Variants in CLSTN2 observed in about 807,000 individuals in gnomAD.
CLSTN2 encodes the protein calsyntenin 2, also known as calsyntenin-2.
In CLSTN2, 48 loss-of-function variants were observed where a neutral mutation model predicts 101.2. The ratio of observed to expected loss-of-function variants is 0.47; its 90% CI spans 0.38 to 0.60. CLSTN2 has a LOEUF of 0.60. CLSTN2 is among the 20% of genes least tolerant of loss of function. CLSTN2 has a pLI of 0.00. For synonymous variants in CLSTN2, 481 were observed against 463.6 expected, an observed-to-expected ratio of 1.04 and a Z score of -0.48; for missense variants, 1,160 against 1,238.2, an observed-to-expected ratio of 0.94 and a Z score of 0.95.
intron 1 of CLSTN2, among the ~76,000 whole-genome samples, chr3:140,084,226 A>C (rs1357457970): frequency 6.6e-6 from 1 of 152,174 alleles, no homozygotes; most frequent in East Asian, 1.9e-4. Flanking sequence ...ACATGCTTGC[A>C]ACATCACTAC....
chr3:140,331,092 A>G (rs1033787809), intron 2 of CLSTN2, among the ~76,000 whole-genome samples: 1 of 152,198 alleles, frequency 6.6e-6, no homozygotes, highest in Non-Finnish European at 1.5e-5. Context: ...CAACCAAGGA[A>G]GCCAACAGTG....
At chr3:140,529,883 G>T (rs1264566980) in intron 8 of CLSTN2, among the ~76,000 whole-genome samples, 1 of 152,166 alleles carries the variant, frequency 6.6e-6, no homozygotes, top group Non-Finnish European at 1.5e-5. Context: ...GAGATAAAAT[G>T]TGTCCCTTTT....
rs750088450 is a variant in CLSTN2 at position 140,311,287 on chromosome 3, C to CTTTTTTTTTTTTTTTTTTTT, written c.233-92325_233-92306dup. 1.5e-4 allele frequency among the ~76,000 whole-genome samples: 8 copies of CTTTTTTTTTTTTTTTTTTTT among 52,080 alleles called. 3 individuals are homozygous for CTTTTTTTTTTTTTTTTTTTT. The highest frequency in any genetic ancestry group is 5.6e-4 in the African/African-American group (6 of 10,624). 34.2% of individuals were successfully genotyped at this position (52,080 alleles called of 152,430 possible). A position where few individuals can be genotyped will look rare whatever the true frequency, so the allele number is the denominator to read the frequency against. ...ATAATAACAGCTAAGGTTTATTATC[C>CTTTTTTTTTTTTTTTTTTTT]TTTTTTTTTTTTTTTTTTTTTTTTT... On this transcript the variant is annotated intron_variant, in intron 2 of 16. Transcript: ENST00000458420.
At chr3:140,365,947 T>G (rs3943277) in intron 2 of CLSTN2, among the ~76,000 whole-genome samples, 73,646 of 152,044 alleles carry the variant, frequency 0.48, 18,400 homozygotes, top group Non-Finnish European at 0.54. Context: ...GGGACCACGC[T>G]CCAGGGCGTC....
At chr3:140,357,188 A>C (rs2087679992) in intron 2 of CLSTN2, among the ~76,000 whole-genome samples, 1 of 152,254 alleles carries the variant, frequency 6.6e-6, no homozygotes, top group East Asian at 1.9e-4. Flanking sequence ...TCGGGAATAT[A>C]GTAAGTGACT....
At chr3:140,120,107 C>A (rs1006964507) in intron 1 of CLSTN2, among the ~76,000 whole-genome samples, 6 of 152,122 alleles carry the variant, frequency 3.9e-5, no homozygotes, top group Non-Finnish European at 7.3e-5. Flanking sequence ...TTGACACTAC[C>A]TGTAGATAGT....
At chr3:139,956,569 T>C (rs968920918) in intron 1 of CLSTN2, among the ~76,000 whole-genome samples, 1 of 152,212 alleles carries the variant, frequency 6.6e-6, no homozygotes, top group Non-Finnish European at 1.5e-5. Flanking sequence ...AGAGGTCTAC[T>C]AAAGGGATGT....
At chr3:140,078,953 A>T (rs191916906) in intron 1 of CLSTN2, among the ~76,000 whole-genome samples, 13 of 152,346 alleles carry the variant, frequency 8.5e-5, no homozygotes, top group Admixed American at 7.8e-4. Context: ...ATGTTTATCC[A>T]TAAGGAGGAT....
chr3:140,173,805 G>A (rs2010277382), intron 1 of CLSTN2, among the ~76,000 whole-genome samples: 1 of 152,194 alleles, frequency 6.6e-6, no homozygotes, highest in African/African-American at 2.4e-5. Context: ...AGCCATGGCT[G>A]GAGCAGCTGG....
chr3:140,423,196 T>C (rs549531852), intron 5 of CLSTN2, among the ~76,000 whole-genome samples: 99 of 152,356 alleles, frequency 6.5e-4, no homozygotes, highest in Non-Finnish European at 1.2e-3. Flanking sequence ...TTGTACTTAT[T>C]AAATGTATGC....
intron 2 of CLSTN2, among the ~76,000 whole-genome samples, chr3:140,313,642 C>T (rs1222697529): frequency 6.6e-6 from 1 of 152,172 alleles, no homozygotes; most frequent in Non-Finnish European, 1.5e-5. Flanking sequence ...TGACGCAGAG[C>T]TTGACAGTGA....
At chr3:140,032,730 G>T (rs1687355533) in intron 1 of CLSTN2, among the ~76,000 whole-genome samples, 1 of 152,194 alleles carries the variant, frequency 6.6e-6, no homozygotes, top group Non-Finnish European at 1.5e-5. Flanking sequence ...CATGGGGTAG[G>T]ATCTACAGTG....
At chr3:140,243,945 T>TA (rs1248343120) in intron 2 of CLSTN2, among the ~76,000 whole-genome samples, 1 of 152,176 alleles carries the variant, frequency 6.6e-6, no homozygotes, top group Non-Finnish European at 1.5e-5. Flanking sequence ...ACACAGAGTA[T>TA]AACTGCCCCC....
At chr3:140,403,960 T>G (rs1175447661) in intron 3 of CLSTN2, 136 bp downstream of exon 3, 2 of 686,816 alleles carry the variant, frequency 2.9e-6, no homozygotes, top group Non-Finnish European at 4.9e-6. Flanking sequence ...GCTTGGCAGT[T>G]TCCTGGTCCC....
intron 10 of CLSTN2, among the ~76,000 whole-genome samples, chr3:140,556,232 G>A (rs746006047): frequency 1.3e-5 from 2 of 152,154 alleles, no homozygotes; most frequent in Admixed American, 6.5e-5. Context: ...TGAGAGCACC[G>A]TGGCTGGGTT....
At chr3:140,014,300 C>T (rs2007151719) in intron 1 of CLSTN2, among the ~76,000 whole-genome samples, 1 of 152,140 alleles carries the variant, frequency 6.6e-6, no homozygotes. Flanking sequence ...TTTTGCCTCA[C>T]AGCAACCTCT....
intron 1 of CLSTN2, among the ~76,000 whole-genome samples, chr3:140,045,370 AT>A (rs2007854462): frequency 6.6e-6 from 1 of 151,968 alleles, no homozygotes; most frequent in Admixed American, 6.6e-5. Flanking sequence ...CGGTGGTGAT[AT>A]CCCCTTTATC....
At chr3:140,012,250 G>A (rs1315250743) in intron 1 of CLSTN2, among the ~76,000 whole-genome samples, 1 of 152,150 alleles carries the variant, frequency 6.6e-6, no homozygotes, top group East Asian at 1.9e-4. Flanking sequence ...ACAGGTGATA[G>A]CAATTGAGTA....
chr3:139,942,268 T>C (rs1370547222), intron 1 of CLSTN2, among the ~76,000 whole-genome samples: 1 of 152,124 alleles, frequency 6.6e-6, no homozygotes, highest in Admixed American at 6.5e-5. Flanking sequence ...CAATACCTGT[T>C]TCTTCTCATC....
Sources: gnomAD v4.1 joint callset for allele counts (sites outside exome capture counted in the v4.1 genomes callset) on GRCh38, gnomAD v4.1.1 for gene constraint, MANE v1.5 for transcripts, NCBI Gene and HGNC (gene_info 2026-07-23, HGNC 2026-07-21) for gene names.